SNX4: variants seen among roughly 807,000 people sequenced by gnomAD.
SNX4 encodes the protein sorting nexin 4, also known as sorting nexin-4.
SNX4 carries 49 observed loss-of-function variants against 70.8 expected under a neutral mutation model. The ratio of observed to expected loss-of-function variants is 0.69; its 90% CI spans 0.55 to 0.88. The LOEUF is 0.88. SNX4 is among the 40% of genes least tolerant of loss of function. The pLI, the probability that SNX4 is intolerant of heterozygous loss-of-function variation, is 0.00. For missense variants in SNX4, 528 were observed against 544.8 expected (o/e 0.97, Z 0.31); for synonymous variants, 206 against 183.8 (o/e 1.12, Z -0.98).
At chr3:125,449,355 GT>G (rs1418965572) in intron 13 of SNX4, 1 of 151,502 alleles carries the variant, frequency 6.6e-6, no homozygotes, top group Non-Finnish European at 1.5e-5. Flanking sequence ...GGAGGCGGAG[GT>G]TGTAGTGAGC....
intron 12 of SNX4, among the ~76,000 whole-genome samples, chr3:125,452,968 T>C (rs1933615842): frequency 6.6e-6 from 1 of 152,172 alleles, no homozygotes; most frequent in Non-Finnish European, 1.5e-5. Flanking sequence ...CTAGTAGTTC[T>C]AAAAATGAAC....
At position 125,453,981 on chromosome 3, in the gene SNX4, T is replaced by G. The variant is rs187742638; in HGVS notation, c.1045-26A>C. 1.3e-4 allele frequency: 211 copies of G among 1,604,032 alleles called. No individual in the cohort carries two copies. The East Asian group carries it at 4.5e-3, about 34-fold the overall frequency. On this transcript the variant is annotated intron_variant, in intron 11 of 13. Coordinates refer to ENST00000251775, the MANE Select transcript of SNX4 (RefSeq NM_003794.4). Reference sequence around the variant, plus strand: ...CTAAAAGGAAACAGAAACAGATGAATGGATAAACAAAATGCGGCATACACA... The same window carrying G: ...CTAAAAGGAAACAGAAACAGATGAAGGGATAAACAAAATGCGGCATACACA...
chr3:125,470,154 C>A (rs1307439663), intron 8 of SNX4, among the ~76,000 whole-genome samples: 2 of 152,056 alleles, frequency 1.3e-5, no homozygotes, highest in African/African-American at 4.8e-5. Context: ...AATCTATAAT[C>A]CCAAATGCCA....
chr3:125,488,262 A>G (rs2033467193), intron 6 of SNX4, among the ~76,000 whole-genome samples: 3 of 151,500 alleles, frequency 2.0e-5, no homozygotes, highest in Non-Finnish European at 4.4e-5. Context: ...GATTGCTTGA[A>G]GTCAGGAGTT....
intron 8 of SNX4, among the ~76,000 whole-genome samples, chr3:125,471,567 C>T (rs1038721903): frequency 2.6e-5 from 4 of 152,050 alleles, no homozygotes; most frequent in South Asian, 2.1e-4. Flanking sequence ...CTGGGAGAGA[C>T]GGTTACTTTT....
intron 7 of SNX4, 149 bp from the exon 8 acceptor site, chr3:125,476,905 TA>T (rs1934302009): frequency 1.8e-6 from 1 of 551,950 alleles, no homozygotes; most frequent in Admixed American, 3.8e-5. Context: ...CCCATCCCCC[TA>T]AAACTAAAAC....
chr3:125,520,076 T>G lies in SNX4; in HGVS notation c.97A>C (p.Lys33Gln). 1 of 1,549,914 alleles carries G rather than the reference T, an allele frequency of 6.5e-7. No homozygotes were observed. The highest frequency in any genetic ancestry group is 8.7e-7 in the Non-Finnish European group (1 of 1,151,508). Residue 33 changes from lysine (K) to glutamine (Q), a missense_variant, in exon 1 of 14, where the codon AAG (lysine) becomes CAG (glutamine). Lys to Gln is a moderately conservative substitution (Grantham distance 53). Transcript: ENST00000251775. ...PDAGLGAAVG[K>Q]EAEGAGEESS... ...TCTTCTCCGGCCCCCTCCGCTTCCT[T>G]GCCGACCGCAGCCCCCAGCCCAGCG... is the stretch of plus-strand genomic sequence containing the variant.
chr3:125,492,137 T>TATAAGAGCC (rs1934676867), intron 5 of SNX4, among the ~76,000 whole-genome samples: 1 of 118,312 alleles, frequency 8.5e-6, no homozygotes, highest in Admixed American at 8.2e-5. Context: ...AAAAAAAGAA[T>TATAAGAGCC]ATAAGAGCCA....
At chr3:125,484,611 C>G (rs1223378944) in intron 6 of SNX4, among the ~76,000 whole-genome samples, 1 of 152,112 alleles carries the variant, frequency 6.6e-6, no homozygotes, top group Non-Finnish European at 1.5e-5. Context: ...AGGTGCCTCT[C>G]CTAATCAGAT....
At chr3:125,505,907 G>A (rs1267971813) in intron 1 of SNX4, among the ~76,000 whole-genome samples, 2 of 152,130 alleles carry the variant, frequency 1.3e-5, no homozygotes, top group Non-Finnish European at 2.9e-5. Flanking sequence ...ACTAGACTGG[G>A]AAACACAGGA....
chr3:125,506,729 G>A (rs894644729), intron 1 of SNX4, among the ~76,000 whole-genome samples: 2 of 145,516 alleles, frequency 1.4e-5, no homozygotes, highest in Non-Finnish European at 1.5e-5. Context: ...TGGCATTACA[G>A]GCATGAGCCA....
chr3:125,455,006 G>A (rs1392808349), intron 11 of SNX4, among the ~76,000 whole-genome samples: 3 of 151,904 alleles, frequency 2.0e-5, no homozygotes, highest in Non-Finnish European at 4.4e-5. Context: ...ATGGCTCACT[G>A]CAGCCTCAAC....
intron 6 of SNX4, among the ~76,000 whole-genome samples, chr3:125,482,365 T>A: frequency 6.6e-6 from 1 of 152,284 alleles, no homozygotes; most frequent in East Asian, 1.9e-4. Context: ...AAAACCTGAG[T>A]GCATCTGTAT....
chr3:125,447,964 TGGCTAATA>T (rs1363932449), intron 13 of SNX4, 138 bp from the exon 14 acceptor site: 3 of 548,818 alleles, frequency 5.5e-6, no homozygotes, highest in Non-Finnish European at 9.4e-6. Context: ...TTTTGGGAAG[TGGCTAATA>T]TAAGCAAATG....
At chr3:125,470,489 TAAAA>T (rs371640854) in intron 8 of SNX4, among the ~76,000 whole-genome samples, 1 of 139,160 alleles carries the variant, frequency 7.2e-6, no homozygotes, top group South Asian at 2.3e-4. Context: ...CCTAAAAAGT[TAAAA>T]AAAAAAAAAC....
In SNX4 at chr3:125,504,618, C is replaced by A. The variant is rs1188699136; in HGVS notation, c.263+5G>T. On this transcript the variant is annotated splice_donor_5th_base_variant and intron_variant, in intron 2 of 13. Transcript: ENST00000251775. Reference sequence around the variant, plus strand: ...ACCTGCCCAGGTGTAATTTCTGTTACCCACCTTGTTTCAATGAGGTAAGCA... The same window carrying A: ...ACCTGCCCAGGTGTAATTTCTGTTAACCACCTTGTTTCAATGAGGTAAGCA... 1 of 1,607,770 alleles carries A rather than the reference C, an allele frequency of 6.2e-7. No homozygotes were observed. The highest frequency in any genetic ancestry group is 1.7e-5 in the Admixed American group (1 of 59,194).
Position 125,501,694 on chromosome 3 carries a change from T to C in SNX4, c.263+2929A>G, listed in dbSNP as rs566287543. Among the ~76,000 whole-genome samples, 35 of 152,210 alleles carry C rather than the reference T, an allele frequency of 2.3e-4. 2 individuals are homozygous for C. Among genetic ancestry groups the C allele is most frequent in the Admixed American group, 2.3e-3 (35 of 15,276 alleles). On this transcript the variant is annotated intron_variant, in intron 2 of 13. Coordinates refer to ENST00000251775, the MANE Select transcript of SNX4 (RefSeq NM_003794.4). ...CCTTTAAATAAAAAATGTAAAATCC[T>C]GGGCCCTACCCCAAATCCTGCAGTT...
At chr3:125,504,559 T>C in intron 2 of SNX4, 64 bp downstream of exon 2, 1 of 1,471,352 alleles carries the variant, frequency 6.8e-7, no homozygotes, top group Non-Finnish European at 9.3e-7. Context: ...CAGCAGAGTC[T>C]GCATCAATAG....
At chr3:125,478,836 C>T (rs953980735) in intron 7 of SNX4, among the ~76,000 whole-genome samples, 2 of 152,080 alleles carry the variant, frequency 1.3e-5, no homozygotes, top group Admixed American at 1.3e-4. Context: ...GAACTATTGC[C>T]TAATTTGTCT....
Sources: gnomAD v4.1 joint callset for allele counts (sites outside exome capture counted in the v4.1 genomes callset) on GRCh38, gnomAD v4.1.1 for gene constraint, MANE v1.5 for transcripts, NCBI Gene and HGNC (gene_info 2026-07-23, HGNC 2026-07-21) for gene names.